Variants in RBFOX1 observed in about 807,000 individuals in gnomAD.
The protein encoded by RBFOX1 is RNA binding protein fox-1 homolog 1.
In RBFOX1, 8 loss-of-function variants were observed where a neutral mutation model predicts 57.7. That is an observed-to-expected ratio of 0.14 (90% CI 0.08 to 0.25). The LOEUF (loss-of-function observed/expected upper bound fraction) is 0.25, where lower values mean the gene tolerates loss of function less well. Ranked by LOEUF, RBFOX1 falls within the 10% of genes least tolerant of loss-of-function variation. The probability of loss-of-function intolerance (pLI) is 1.00; values close to 1 mark genes in which losing one functional copy is unlikely to be tolerated. For synonymous variants in RBFOX1, 326 were observed against 222.4 expected (o/e 1.47, Z -4.15); for missense variants, 611 against 548.5 (o/e 1.11, Z -1.14).
chr16:6,941,593 C>A (rs1264186543), intron 3 of RBFOX1, among the ~76,000 whole-genome samples: 1 of 151,668 alleles, frequency 6.6e-6, no homozygotes, highest in African/African-American at 2.4e-5. Flanking sequence ...TCTCCTCTAC[C>A]TACTAAATTA....
intron 4 of RBFOX1, among the ~76,000 whole-genome samples, chr16:7,321,154 T>C (rs1266631549): frequency 1.9e-5 from 2 of 106,488 alleles, no homozygotes; most frequent in Non-Finnish European, 4.5e-5. Context: ...GTTTGTTTTT[T>C]GAGACGGCGA....
intron 3 of RBFOX1, among the ~76,000 whole-genome samples, chr16:6,999,336 C>T (rs1013883038): frequency 2.0e-5 from 3 of 151,100 alleles, no homozygotes; most frequent in Non-Finnish European, 4.4e-5. Context: ...GGATGACAGG[C>T]ATGAGCCGTT....
chr16:7,053,622 G>C (rs1257969832), intron 4 of RBFOX1, among the ~76,000 whole-genome samples: 1 of 152,182 alleles, frequency 6.6e-6, no homozygotes, highest in Non-Finnish European at 1.5e-5. Flanking sequence ...GACGCAGTAG[G>C]TAATGAAGGA....
chr16:6,934,336 G>C (rs1217613876), intron 3 of RBFOX1, among the ~76,000 whole-genome samples: 1 of 152,120 alleles, frequency 6.6e-6, no homozygotes, highest in African/African-American at 2.4e-5. Context: ...TATCAATACA[G>C]AATACGTATT....
At chr16:6,053,689 A>G (rs778199039) in intron 1 of RBFOX1, among the ~76,000 whole-genome samples, 5 of 152,202 alleles carry the variant, frequency 3.3e-5, no homozygotes, top group African/African-American at 1.2e-4. Context: ...CCCTACGTAC[A>G]TAAGAGATCT....
intron 4 of RBFOX1, among the ~76,000 whole-genome samples, chr16:7,498,841 A>T (rs1488979957): frequency 6.6e-6 from 1 of 152,184 alleles, no homozygotes; most frequent in Non-Finnish European, 1.5e-5. Context: ...TGCTTCACAG[A>T]GAGCAAATGA....
At chr16:6,711,453 G>C (rs985941678) in intron 3 of RBFOX1, among the ~76,000 whole-genome samples, 1 of 152,116 alleles carries the variant, frequency 6.6e-6, no homozygotes, top group Non-Finnish European at 1.5e-5. Flanking sequence ...TAATCCCCAC[G>C]TGTCAAGGGA....
At chr16:6,761,849 C>G (rs2076655264) in intron 3 of RBFOX1, among the ~76,000 whole-genome samples, 4 of 151,980 alleles carry the variant, frequency 2.6e-5, no homozygotes, top group Admixed American at 2.0e-4. Flanking sequence ...TCCAGTCACT[C>G]AAAGCAACTA....
intron 3 of RBFOX1, among the ~76,000 whole-genome samples, chr16:6,898,644 A>G (rs931343305): frequency 5.9e-5 from 9 of 152,136 alleles, no homozygotes; most frequent in African/African-American, 2.2e-4. Context: ...GTGTTTCTGA[A>G]AGAGATAATT....
intron 1 of RBFOX1, among the ~76,000 whole-genome samples, chr16:5,415,284 G>A (rs1341833716): frequency 6.6e-6 from 1 of 152,186 alleles, no homozygotes; most frequent in African/African-American, 2.4e-5. Context: ...GCAGGAGAGA[G>A]CAAGAATGAG....
intron 1 of RBFOX1, among the ~76,000 whole-genome samples, chr16:6,066,394 T>G (rs1393768213): frequency 1.3e-5 from 2 of 149,340 alleles, no homozygotes; most frequent in East Asian, 4.0e-4. Context: ...TTTCTAAGAC[T>G]GCAGAGCATC....
intron 14 of RBFOX1, among the ~76,000 whole-genome samples, chr16:7,689,419 C>T (rs140332870): frequency 1.7e-4 from 26 of 152,164 alleles, no homozygotes; most frequent in Middle Eastern, 3.4e-3. Flanking sequence ...CAGCAGGAGG[C>T]GTGATTCCCT....
intron 1 of RBFOX1, among the ~76,000 whole-genome samples, chr16:5,346,496 G>A (rs11865838): frequency 0.12 from 17,505 of 152,170 alleles, 2,525 homozygotes; most frequent in African/African-American, 0.34. Flanking sequence ...GGTGCTTTGC[G>A]GAGAGAGAGA....
At chr16:7,077,587 C>A (rs767329264) in intron 4 of RBFOX1, among the ~76,000 whole-genome samples, 9 of 152,126 alleles carry the variant, frequency 5.9e-5, no homozygotes, top group Non-Finnish European at 1.3e-4. Context: ...CTGCTAAGTT[C>A]CTCAGCAAAT....
chr16:7,043,109 C>G (rs1444192357), intron 3 of RBFOX1, among the ~76,000 whole-genome samples: 1 of 145,518 alleles, frequency 6.9e-6, no homozygotes, highest in African/African-American at 2.6e-5. Context: ...TTTCTGTATC[C>G]TTGGGGAGGT....
rs151244963 is a variant in RBFOX1, at chr16:5,352,318, A to G, written c.219+112213A>G. ...TCCAACTTTAAAAAAGTTCACATAC[A>G]TTTAACCTATAACCCAGCAATTGCA... On this transcript the variant is annotated intron_variant, in intron 1 of 2. Coordinates refer to the RBFOX1 transcript ENST00000585867. Among the ~76,000 whole-genome samples, 162 of 152,320 alleles carry G rather than the reference A, an allele frequency of 1.1e-3. 1 individual carries two copies. The highest frequency in any genetic ancestry group is 3.8e-3 in the African/African-American group (160 of 41,566).
intron 4 of RBFOX1, among the ~76,000 whole-genome samples, chr16:7,063,725 C>T (rs59374396): frequency 6.6e-6 from 1 of 152,130 alleles, no homozygotes; most frequent in Admixed American, 6.5e-5. Context: ...CCAACACACA[C>T]CTGGGTCTGC....
intron 4 of RBFOX1, among the ~76,000 whole-genome samples, chr16:7,158,735 G>A (rs2077664817): frequency 6.6e-6 from 1 of 151,888 alleles, no homozygotes; most frequent in Admixed American, 6.6e-5. Context: ...TGTTTGGTGT[G>A]TGTTGTTTCT....
At chr16:5,814,656 C>T (rs1040997140) in intron 3 of RBFOX1, among the ~76,000 whole-genome samples, 2 of 152,172 alleles carry the variant, frequency 1.3e-5, no homozygotes, top group South Asian at 2.1e-4. Flanking sequence ...TGGCCGGGCG[C>T]GGTGGCTCAC....
Sources: allele counts gnomAD v4.1 joint callset (sites outside exome capture counted in the v4.1 genomes callset), GRCh38; gene constraint gnomAD v4.1.1; transcripts MANE v1.5; gene names NCBI Gene and HGNC (gene_info 2026-07-23, HGNC 2026-07-21).